The following DOCK3 variants were observed in gnomAD, a reference collection of about 807,000 sequenced individuals.
DOCK3 encodes the protein dedicator of cytokinesis protein 3.
A neutral mutation model predicts 265.6 loss-of-function variants in DOCK3; 60 were observed. The observed-to-expected ratio is 0.23, with a 90% CI of 0.18 to 0.28. DOCK3 has a LOEUF of 0.28. Ranked by LOEUF, DOCK3 falls within the 10% of genes least tolerant of loss-of-function variation. DOCK3 has a pLI of 1.00. For synonymous variants in DOCK3, 881 were observed against 938.0 expected (o/e 0.94, Z 1.11); for missense variants, 1,981 against 2,594.3 (o/e 0.76, Z 5.14).
chr3:51,225,653 T>A lies in DOCK3; in HGVS notation c.1257T>A (p.Asp419Glu). Residue 419 changes from aspartate to glutamate, a missense_variant, in exon 15 of 53, where the codon GAT becomes GAA. Transcript: ENST00000266037. ...GTGGCATTTCTTTCCCCGCAGGTGA[T>A]ATCCGCAATGACCTGTACCTAACCC... is the stretch of plus-strand genomic sequence containing the variant. The part of the protein sequence containing the change: ...LGFPDVIMPG[D>E]IRNDLYLTLE... 1 of 1,610,654 alleles carries A rather than the reference T, an allele frequency of 6.2e-7. No individual in the cohort carries two copies. Among genetic ancestry groups the A allele is most frequent in the Non-Finnish European group, 8.5e-7 (1 of 1,178,554 alleles).
At chr3:50,837,827 A>G (rs1197244598) in intron 2 of DOCK3, among the ~76,000 whole-genome samples, 1 of 152,160 alleles carries the variant, frequency 6.6e-6, no homozygotes, top group Admixed American at 6.5e-5. Context: ...CAAAAAGTAT[A>G]AAGGTGCTGA....
chr3:50,787,639 G>T, intron 2 of DOCK3: 1 of 1,286,712 alleles, frequency 7.8e-7, no homozygotes. Context: ...AGGTGGCTCT[G>T]CACTCTTCCT....
At chr3:50,851,470 C>A (rs2046354893) in intron 3 of DOCK3, among the ~76,000 whole-genome samples, 1 of 152,150 alleles carries the variant, frequency 6.6e-6, no homozygotes, top group African/African-American at 2.4e-5. Flanking sequence ...TGGAGAAGGT[C>A]TTGCTGCACC....
Position 51,106,956 on chromosome 3 carries a change from G to A in DOCK3, c.746+16572G>A, listed in dbSNP as rs561985039. 3.3e-5 allele frequency among the ~76,000 whole-genome samples: 5 copies of A among 152,352 alleles called. No individual in the cohort carries two copies. In the South Asian group the frequency reaches 8.3e-4, roughly 25 times the overall value. ...GAAGTACTTTGGTTGGCACCACCCA[G>A]CAGAGTGTTGTGACCAGCAGTCCCA... is the stretch of plus-strand genomic sequence containing the variant. On this transcript the variant is annotated intron_variant, in intron 9 of 52. Coordinates refer to ENST00000266037, the MANE Select transcript of DOCK3 (RefSeq NM_004947.5).
intron 5 of DOCK3, among the ~76,000 whole-genome samples, chr3:50,942,746 T>G (rs1340560436): frequency 6.6e-6 from 1 of 151,964 alleles, no homozygotes; most frequent in Non-Finnish European, 1.5e-5. Flanking sequence ...AATTTTTTTT[T>G]GCTTTTGGAA....
intron 1 of DOCK3, among the ~76,000 whole-genome samples, chr3:50,688,005 A>C (rs1294270532): frequency 6.6e-6 from 1 of 152,274 alleles, no homozygotes; most frequent in East Asian, 1.9e-4. Flanking sequence ...TTACAATTGT[A>C]CCTCAATATC....
chr3:51,266,568 G>A (rs931548926), intron 23 of DOCK3, among the ~76,000 whole-genome samples: 1 of 152,160 alleles, frequency 6.6e-6, no homozygotes, highest in African/African-American at 2.4e-5. Flanking sequence ...GACAAAAGAA[G>A]CAATGGGGAA....
Position 51,071,059 on chromosome 3 carries a change from ATTAAC to A in DOCK3, c.465-4294_465-4290del, listed in dbSNP as rs2081843300. 2.6e-5 allele frequency among the ~76,000 whole-genome samples: 4 copies of A among 152,194 alleles called. No individual in the cohort carries two copies. In the South Asian group the frequency reaches 8.3e-4, roughly 32 times the overall value. On this transcript the variant is annotated intron_variant, in intron 6 of 52. Coordinates refer to ENST00000266037, the MANE Select transcript of DOCK3 (RefSeq NM_004947.5). Reference sequence around the variant, plus strand: ...TTAAAGTATCCATTGTATATAATTAATTAACTTCAGATTATTTTCTATATTCTGTG... The same window carrying A: ...TTAAAGTATCCATTGTATATAATTAATTCAGATTATTTTCTATATTCTGTG...
intron 14 of DOCK3, among the ~76,000 whole-genome samples, chr3:51,215,081 C>G (rs1200415252): frequency 1.3e-5 from 2 of 152,050 alleles, no homozygotes; most frequent in Non-Finnish European, 2.9e-5. Flanking sequence ...TGGATAGATT[C>G]TAGGAGGAGT....
intron 4 of DOCK3, among the ~76,000 whole-genome samples, chr3:50,918,923 G>C (rs960785349): frequency 6.6e-6 from 1 of 152,134 alleles, no homozygotes; most frequent in African/African-American, 2.4e-5. Flanking sequence ...AATCCTTCTT[G>C]AATTAATTTT....
intron 12 of DOCK3, among the ~76,000 whole-genome samples, chr3:51,193,235 T>G (rs557117528): frequency 6.6e-6 from 1 of 152,362 alleles, no homozygotes; most frequent in South Asian, 2.1e-4. Context: ...TTTACTTATG[T>G]TGAACCATTT....
At chr3:51,059,484 CACACACA>C (rs771910863) in intron 5 of DOCK3, among the ~76,000 whole-genome samples, 2 of 151,730 alleles carry the variant, frequency 1.3e-5, no homozygotes, top group Non-Finnish European at 2.9e-5. Flanking sequence ...CACACACACA[CACACACA>C]CACCCCACAT....
At chr3:51,186,474 AT>A (rs2087610250) in intron 12 of DOCK3, among the ~76,000 whole-genome samples, 1 of 152,240 alleles carries the variant, frequency 6.6e-6, no homozygotes, top group Non-Finnish European at 1.5e-5. Flanking sequence ...AGAAAATTAC[AT>A]TCTCTGAGGA....
chr3:51,075,525 AT>A (rs1200411400), intron 7 of DOCK3, 85 bp downstream of exon 7: 2 of 1,194,440 alleles, frequency 1.7e-6, no homozygotes, highest in Non-Finnish European at 2.3e-6. Context: ...ATGAAACAAC[AT>A]TGCTAAAAAT....
At chr3:51,011,256 C>T (rs1487932928) in intron 5 of DOCK3, among the ~76,000 whole-genome samples, 1 of 152,170 alleles carries the variant, frequency 6.6e-6, no homozygotes, top group Non-Finnish European at 1.5e-5. Context: ...TTCAGGTATA[C>T]CAATCAGACG....
At chr3:51,086,222 C>T (rs1211905258) in intron 7 of DOCK3, among the ~76,000 whole-genome samples, 2 of 152,230 alleles carry the variant, frequency 1.3e-5, no homozygotes, top group Non-Finnish European at 2.9e-5. Flanking sequence ...GCAGCAGGAG[C>T]ATGTCCTTAA....
chr3:50,818,985 A>G (rs1341878778), intron 2 of DOCK3, among the ~76,000 whole-genome samples: 1 of 151,330 alleles, frequency 6.6e-6, no homozygotes, highest in Non-Finnish European at 1.5e-5. Context: ...TAAAGTATGT[A>G]AAACATTCTC....
chr3:50,863,187 G>A (rs1347099024), intron 3 of DOCK3, among the ~76,000 whole-genome samples: 1 of 152,180 alleles, frequency 6.6e-6, no homozygotes, highest in Non-Finnish European at 1.5e-5. Context: ...GTTTGTCAAA[G>A]TCACAGTGGA....
At chr3:50,904,190 CTT>C (rs2049350749) in intron 4 of DOCK3, among the ~76,000 whole-genome samples, 3 of 152,200 alleles carry the variant, frequency 2.0e-5, no homozygotes, top group African/African-American at 7.2e-5. Context: ...GGTTCCAAGT[CTT>C]TGCTATTGTG....
Sources: gnomAD v4.1 joint callset for allele counts (sites outside exome capture counted in the v4.1 genomes callset) on GRCh38, gnomAD v4.1.1 for gene constraint, MANE v1.5 for transcripts, NCBI Gene and HGNC (gene_info 2026-07-23, HGNC 2026-07-21) for gene names.